The following PDLIM2 variants were observed in gnomAD, a reference collection of about 807,000 sequenced individuals.
PDLIM2 encodes PDZ and LIM domain 2, also known as PDZ and LIM domain protein 2.
Under a neutral mutation model 54.1 loss-of-function variants are expected in PDLIM2, and 51 were observed. The observed-to-expected ratio is 0.94, with a 90% CI of 0.75 to 1.19. PDLIM2 has a LOEUF of 1.19. PDLIM2 is among the 50% of genes most tolerant of loss of function. The pLI is 0.00. For synonymous variants in PDLIM2, 398 were observed against 385.6 expected (o/e 1.03, Z -0.38); for missense variants, 912 against 874.0 (o/e 1.04, Z -0.55).
At chr8:22,586,912 C>G (rs779373253) in intron 6 of PDLIM2, among the ~76,000 whole-genome samples, 6 of 152,162 alleles carry the variant, frequency 3.9e-5, no homozygotes, top group Admixed American at 6.5e-5. Flanking sequence ...TTGTGGGTCA[C>G]GAGCCCAGAG....
intron 4 of PDLIM2, 39 bp from the exon 4 acceptor site, chr8:22,584,978 G>A: frequency 6.2e-7 from 1 of 1,613,282 alleles, no homozygotes; most frequent in Non-Finnish European, 8.5e-7. Context: ...CCTTGGCGGG[G>A]CAGCCCTGCC....
At chr8:22,582,533 A>G (rs1442557079) in intron 3 of PDLIM2, among the ~76,000 whole-genome samples, 1 of 150,134 alleles carries the variant, frequency 6.7e-6, no homozygotes, top group Non-Finnish European at 1.5e-5. Context: ...GCTGTAAGTC[A>G]GGCCTCTGGT....
intron 6 of PDLIM2, among the ~76,000 whole-genome samples, chr8:22,586,087 C>T (rs1024885018): frequency 1.3e-5 from 2 of 152,164 alleles, no homozygotes; most frequent in African/African-American, 2.4e-5. Flanking sequence ...GTGGGGGGCA[C>T]GTCCAGCCTT....
rs139548931 is a variant in PDLIM2, at chr8:22,593,768, G to T, written c.1667G>T (p.Arg556Leu). The T allele has an allele frequency of 3.1e-6, 5 of 1,602,292 alleles. No homozygotes were observed. The African/African-American group carries it at 4.0e-5, about 13-fold the overall frequency. The change falls in exon 10 of 10, where the codon CGC becomes CTC. Residue 556 changes from arginine to leucine, a missense_variant. Coordinates refer to ENST00000308354, the Ensembl canonical transcript of PDLIM2. ...GTGCGCATCCAGGAGGGCCGGTACCGCCACCCCGGCTGCTACACCTGTGCC... is the reference window on the plus strand; with the variant it reads ...GTGCGCATCCAGGAGGGCCGGTACCTCCACCCCGGCTGCTACACCTGTGCC...
chr8:22,585,168 T>G lies in PDLIM2; in HGVS notation c.1211+6T>G, dbSNP rs1238291707. The G allele has an allele frequency of 6.2e-7, 1 of 1,612,776 alleles. No homozygotes were observed. Among genetic ancestry groups the G allele is most frequent in the Non-Finnish European group, 8.5e-7 (1 of 1,179,712 alleles). Reference sequence around the variant, plus strand: ...GAGGCAGCCATCAGCCGCAGGTGAGTGTGCCTGTGAGTGGGTACCCTGGTC... The same window carrying G: ...GAGGCAGCCATCAGCCGCAGGTGAGGGTGCCTGTGAGTGGGTACCCTGGTC... On this transcript the variant is annotated splice_donor_region_variant and intron_variant, in intron 5 of 9. Transcript: ENST00000308354.
At chr8:22,589,138 C>T in intron 6 of PDLIM2, 160 bp from the exon 6 acceptor site, 1 of 581,718 alleles carries the variant, frequency 1.7e-6, no homozygotes, top group Non-Finnish European at 3.0e-6. Flanking sequence ...GCTGGGAGCC[C>T]CCGACACCTT....
At chr8:22,580,113 C>T (rs568773428) in intron 1 of PDLIM2, 2 of 229,414 alleles carry the variant, frequency 8.7e-6, no homozygotes, top group South Asian at 5.2e-5. Flanking sequence ...TTCCTTGACC[C>T]GTCACTCCTG....
At chr8:22,594,225 A>T in exon 10 of PDLIM2, 1 of 1,395,348 alleles carries the variant, frequency 7.2e-7, no homozygotes, top group Non-Finnish European at 9.3e-7. Flanking sequence ...GGGGTGGGCC[A>T]GGGGCTAATG....
chr8:22,580,745 G>A (rs1800169357), intron 2 of PDLIM2, 48 bp downstream of exon 1: 2 of 1,587,514 alleles, frequency 1.3e-6, no homozygotes, highest in South Asian at 1.1e-5. Context: ...CAGAAGCGAG[G>A]TCGGCCCTGT....
At chr8:22,593,762 G>T in exon 10 of PDLIM2, 3 of 1,600,924 alleles carry the variant, frequency 1.9e-6, no homozygotes, top group Non-Finnish European at 2.6e-6. Flanking sequence ...CAGGAGGGCC[G>T]GTACCGCCAC....
At position 22,588,904 on chromosome 8, in the gene PDLIM2, C is replaced by T. The variant is rs547614923; in HGVS notation, c.1291-394C>T. 47 of 290,000 alleles carry T rather than the reference C, an allele frequency of 1.6e-4. No homozygotes were observed. The South Asian group carries it at 1.8e-3, about 11-fold the overall frequency. The allele number at this position is 290,000 out of a possible 1,614,324, so 18.0% of individuals were successfully genotyped here. A position where few individuals can be genotyped will look rare whatever the true frequency, so the allele number is the denominator to read the frequency against. On this transcript the variant is annotated intron_variant, in intron 6 of 9. Coordinates refer to ENST00000308354, the Ensembl canonical transcript of PDLIM2. ...TCAGTGCAAAAGGGCAGCGTGCTTC[C>T]TCTCTGCTGGTTCCGTGGGATCGGA...
At chr8:22,589,364 T>A in exon 7 of PDLIM2, 1 of 1,535,052 alleles carries the variant, frequency 6.5e-7, no homozygotes, top group Non-Finnish European at 8.7e-7. Context: ...CCCTCGTTCC[T>A]CCAGGCCCAG....
chr8:22,591,764 G>A, intron 9 of PDLIM2, 96 bp downstream of exon 8: 1 of 1,186,678 alleles, frequency 8.4e-7, no homozygotes, highest in South Asian at 1.5e-5. Flanking sequence ...GGGCCCATCA[G>A]GGGCTAGCAC....
intron 8 of PDLIM2, 89 bp from the exon 8 acceptor site, chr8:22,591,462 T>C: frequency 8.7e-7 from 1 of 1,152,738 alleles, no homozygotes; most frequent in African/African-American, 1.5e-5. Flanking sequence ...CTTATAAGGG[T>C]GCTTTCCAAG....
At chr8:22,580,864 T>G in intron 2 of PDLIM2, 167 bp downstream of exon 1, 1 of 792,538 alleles carries the variant, frequency 1.3e-6, no homozygotes, top group Non-Finnish European at 2.2e-6. Context: ...CACGGGGATG[T>G]GGTGGCCACT....
exon 1 of PDLIM2, chr8:22,578,831 C>A: frequency 2.4e-6 from 3 of 1,234,464 alleles, no homozygotes; most frequent in Non-Finnish European, 3.0e-6. Context: ...GGGGCTGCCC[C>A]CTCGATCGTC....
At chr8:22,584,766 G>C (rs952289346) in intron 3 of PDLIM2, 55 bp from the exon 3 acceptor site, 32 of 1,568,976 alleles carry the variant, frequency 2.0e-5, no homozygotes, top group Middle Eastern at 1.7e-4. Context: ...GCCTCTTTTG[G>C]GGGTTGCAGG....
chr8:22,596,907 G>C (rs957883496), downstream of PDLIM2: 1 of 152,260 alleles, frequency 6.6e-6, no homozygotes, highest in Non-Finnish European at 1.5e-5. Context: ...CTCCTAGCTA[G>C]TAAGGAATGG....
chr8:22,579,237 A>G, exon 1 of PDLIM2: 7 of 1,367,072 alleles, frequency 5.1e-6, no homozygotes, highest in Non-Finnish European at 6.6e-6. Context: ...GAGCGCGCCC[A>G]CCTGCGCCTC....
Sources: gnomAD v4.1 joint callset for allele counts (sites outside exome capture counted in the v4.1 genomes callset) on GRCh38, gnomAD v4.1.1 for gene constraint, MANE v1.5 for transcripts, NCBI Gene and HGNC (gene_info 2026-07-23, HGNC 2026-07-21) for gene names.